The following MARK1 variants were observed in gnomAD, a reference collection of about 807,000 sequenced individuals.
MARK1 encodes the protein serine/threonine-protein kinase MARK1.
A neutral mutation model predicts 96.3 loss-of-function variants in MARK1; 40 were observed. The observed-to-expected ratio is 0.42, with a 90% CI of 0.32 to 0.54. The LOEUF (loss-of-function observed/expected upper bound fraction) is 0.54, where lower values mean the gene tolerates loss of function less well. Among genes scored for constraint, MARK1 ranks in the 20% least tolerant of loss-of-function variants. The pLI is 0.16. For synonymous variants in MARK1, 317 were observed against 341.2 expected, an observed-to-expected ratio of 0.93 and a Z score of 0.78; for missense variants, 719 against 984.6, an observed-to-expected ratio of 0.73 and a Z score of 3.61.
At chr1:220,585,740 A>C (rs1242514237) in intron 3 of MARK1, among the ~76,000 whole-genome samples, 3 of 152,162 alleles carry the variant, frequency 2.0e-5, no homozygotes, top group Non-Finnish European at 4.4e-5. Flanking sequence ...TCGGGGAGAA[A>C]TATCTCTTTA....
chr1:220,592,179 A>G (rs1382728084), intron 3 of MARK1, among the ~76,000 whole-genome samples: 3 of 150,450 alleles, frequency 2.0e-5, no homozygotes, highest in Non-Finnish European at 4.4e-5. Context: ...AACCAATGCA[A>G]TAGGGAAAAG....
chr1:220,577,076 G>C (rs901733724), intron 1 of MARK1, among the ~76,000 whole-genome samples: 8 of 151,930 alleles, frequency 5.3e-5, no homozygotes, highest in African/African-American at 1.7e-4. Flanking sequence ...TGGCCAACAT[G>C]ATGAGACTCC....
At chr1:220,624,339 G>A (rs1667204036) in intron 9 of MARK1, among the ~76,000 whole-genome samples, 1 of 140,150 alleles carries the variant, frequency 7.1e-6, no homozygotes, top group Admixed American at 7.3e-5. Context: ...GTGGTTCACA[G>A]CTGTAATCCC....
intron 5 of MARK1, among the ~76,000 whole-genome samples, chr1:220,602,579 C>T (rs1665819375): frequency 6.6e-6 from 1 of 152,000 alleles, no homozygotes; most frequent in Admixed American, 6.6e-5. Context: ...CTTTCCTAGC[C>T]TAAACTCAGA....
At chr1:220,569,446 C>G (rs1663286985) in intron 1 of MARK1, among the ~76,000 whole-genome samples, 1 of 151,818 alleles carries the variant, frequency 6.6e-6, no homozygotes, top group Non-Finnish European at 1.5e-5. Context: ...GAGCCATTTC[C>G]CATGCTGAGA....
chr1:220,581,095 C>A lies in MARK1; in HGVS notation c.286C>A (p.Leu96Ile). ...TGTGAAAATAATAGACAAAACTCAG[C>A]TAAATCCTACCAGTCTACAAAAGGT... ...VAVKIIDKTQ[L>I]NPTSLQKLFR... is the part of the protein sequence containing the mutation. Residue 96 changes from leucine (L) to isoleucine (I), a missense_variant, in exon 3 of 18, where the codon CTA becomes ATA. Transcript: ENST00000366917. The A allele has an allele frequency of 7.8e-7, 1 of 1,280,036 alleles. No individual in the cohort carries two copies. Among genetic ancestry groups the A allele is most frequent in the South Asian group, 2.1e-5 (1 of 46,968 alleles). The allele number at this position is 1,280,036 out of a possible 1,614,324, so 79.3% of individuals were successfully genotyped here.
intron 1 of MARK1, among the ~76,000 whole-genome samples, chr1:220,547,714 G>A (rs1572058401): frequency 1.3e-5 from 2 of 152,172 alleles, no homozygotes; most frequent in African/African-American, 2.4e-5. Flanking sequence ...ACAGGTGCCC[G>A]CCACCACACC....
At position 220,663,530 on chromosome 1, in the gene MARK1, A is replaced by G. The variant is rs1489500717; in HGVS notation, c.*1364A>G. 6.6e-6 allele frequency: 1 copy of G among 152,578 alleles called. No individual in the cohort carries two copies. Among genetic ancestry groups the G allele is most frequent in the African/African-American group, 2.4e-5 (1 of 41,430 alleles). 9.5% of individuals were successfully genotyped at this position (152,578 alleles called of 1,614,324 possible). A position where few individuals can be genotyped will look rare whatever the true frequency, so the allele number is the denominator to read the frequency against. On this transcript the variant is annotated 3_prime_UTR_variant, in exon 18 of 18. Coordinates refer to ENST00000366917, the MANE Select transcript of MARK1 (RefSeq NM_018650.5). ...GTTGTAATTACTGTAATACCAACAT[A>G]TGGGCCCCATCTGCACACTCCTGAA...
intron 9 of MARK1, chr1:220,626,819 CAAAAAA>C: frequency 7.7e-6 from 2 of 261,144 alleles, no homozygotes; most frequent in South Asian, 6.3e-5. Flanking sequence ...GACTCCATCT[CAAAAAA>C]AAAAAAAAAG....
chr1:220,586,089 T>C (rs1347890987), intron 3 of MARK1, among the ~76,000 whole-genome samples: 1 of 152,184 alleles, frequency 6.6e-6, no homozygotes, highest in Non-Finnish European at 1.5e-5. Flanking sequence ...AAAATACGTC[T>C]GTGAATATGC....
At chr1:220,637,422 G>A (rs765538685) in intron 13 of MARK1, among the ~76,000 whole-genome samples, 8 of 152,172 alleles carry the variant, frequency 5.3e-5, no homozygotes, top group Non-Finnish European at 1.0e-4. Flanking sequence ...GCTCACACCT[G>A]TAATCCCAGC....
At chr1:220,531,509 C>T (rs946087468) in intron 1 of MARK1, among the ~76,000 whole-genome samples, 4 of 152,058 alleles carry the variant, frequency 2.6e-5, no homozygotes, top group African/African-American at 9.7e-5. Flanking sequence ...ATCCATATAA[C>T]GTATTTGGAT....
In MARK1 at chr1:220,548,351, A is replaced by G. The variant is rs547294965; in HGVS notation, c.51+19478A>G. Among the ~76,000 whole-genome samples, 73 of 152,376 alleles carry G rather than the reference A, an allele frequency of 4.8e-4. 1 individual carries two copies. Among genetic ancestry groups the G allele is most frequent in the African/African-American group, 1.6e-3 (65 of 41,580 alleles). Reference sequence around the variant, plus strand: ...GCTTATATTAGGAAATAATTACTGGATTTTGTTAGATTTACTAAATATAAC... The same window carrying G: ...GCTTATATTAGGAAATAATTACTGGGTTTTGTTAGATTTACTAAATATAAC... On this transcript the variant is annotated intron_variant, in intron 1 of 17. Transcript: ENST00000366917.
At chr1:220,613,849 T>C (rs1666591337) in intron 6 of MARK1, among the ~76,000 whole-genome samples, 1 of 152,210 alleles carries the variant, frequency 6.6e-6, no homozygotes, top group Non-Finnish European at 1.5e-5. Context: ...GGTTCTGCAG[T>C]ACCTGCCTAG....
At chr1:220,636,291 A>G (rs1667963663) in intron 13 of MARK1, among the ~76,000 whole-genome samples, 1 of 152,150 alleles carries the variant, frequency 6.6e-6, no homozygotes, top group Admixed American at 6.5e-5. Context: ...TATAATGTTT[A>G]TTTAATATTA....
chr1:220,631,053 T>C lies in MARK1; in HGVS notation c.928T>C (p.Trp310Arg). Reference protein sequence around the residue: ...GSLEQIMKDRWMNVGHEEEEL... With the variant: ...GSLEQIMKDRRMNVGHEEEEL... The stretch of plus-strand genomic sequence containing the variant: ...TTCCTAGCAAATAATGAAAGATCGA[T>C]GGATGAATGTTGGTCATGAAGAGGA... Residue 310 changes from tryptophan (W) to arginine (R), a missense_variant, in exon 10 of 18, where the codon TGG becomes CGG. Physicochemically the swap from Trp to Arg is moderately radical, Grantham distance 101. Transcript: ENST00000366917. The C allele has an allele frequency of 1.2e-6, 2 of 1,611,454 alleles. No homozygotes were observed. Among genetic ancestry groups the C allele is most frequent in the African/African-American group, 1.3e-5 (1 of 74,948 alleles).
Position 220,653,185 on chromosome 1 carries a change from G to T in MARK1, c.1821G>T (p.Gly607=), listed in dbSNP as rs754691507. ...CAGACCGGACCCGTTTTCCCCGAGGGAGCTCAAGCCGAAGCACTTTCCATG... is the reference window on the plus strand; with the variant it reads ...CAGACCGGACCCGTTTTCCCCGAGGTAGCTCAAGCCGAAGCACTTTCCATG... ...ATPDRTRFPR[G]SSSRSTFHGE... is the part of the protein sequence containing the mutation. Residue 607 remains glycine, a synonymous_variant, in exon 16 of 18, where the codon GGG becomes GGT. Coordinates refer to ENST00000366917, the MANE Select transcript of MARK1 (RefSeq NM_018650.5). 9 of 1,614,208 alleles carry T rather than the reference G, an allele frequency of 5.6e-6. No individual in the cohort carries two copies.
intron 1 of MARK1, among the ~76,000 whole-genome samples, chr1:220,551,037 A>AG (rs1439461354): frequency 6.6e-6 from 1 of 152,208 alleles, no homozygotes; most frequent in African/African-American, 2.4e-5. Flanking sequence ...GACATGGGGG[A>AG]GTAAAACAAA....
chr1:220,655,256 T>C (rs1334388671), intron 16 of MARK1, among the ~76,000 whole-genome samples: 1 of 152,142 alleles, frequency 6.6e-6, no homozygotes, highest in African/African-American at 2.4e-5. Flanking sequence ...TCTCTGGTTT[T>C]CCTTACACTC....
Sources: gnomAD v4.1 joint callset for allele counts (sites outside exome capture counted in the v4.1 genomes callset) on GRCh38, gnomAD v4.1.1 for gene constraint, MANE v1.5 for transcripts, NCBI Gene and HGNC (gene_info 2026-07-23, HGNC 2026-07-21) for gene names.